VOPP1: variants seen among roughly 807,000 people sequenced by gnomAD.
VOPP1 encodes the protein VOPP1 WW domain binding protein.
Under a neutral mutation model 23.5 loss-of-function variants are expected in VOPP1, and 8 were observed. The ratio of observed to expected loss-of-function variants is 0.34; its 90% CI spans 0.20 to 0.61. The LOEUF is 0.61. Among genes scored for constraint, VOPP1 ranks in the 20% least tolerant of loss-of-function variants. The pLI is 0.78. For synonymous variants in VOPP1, 83 were observed against 97.3 expected, an observed-to-expected ratio of 0.85 and a Z score of 0.86; for missense variants, 174 against 238.1, an observed-to-expected ratio of 0.73 and a Z score of 1.77.
In VOPP1 at chr7:55,462,053, T is replaced by C. The variant is rs376757422; in HGVS notation, n.418-25879A>G. On this transcript the variant is annotated intron_variant and non_coding_transcript_variant, in intron 4 of 4. Transcript: ENST00000462326. ...GGTGATGAATGCCCTCAGTTTTTGCTTGGCTGGGAAAGACTTTATTACTCT... is the reference window on the plus strand; with the variant it reads ...GGTGATGAATGCCCTCAGTTTTTGCCTGGCTGGGAAAGACTTTATTACTCT... 5.1e-4 allele frequency among the ~76,000 whole-genome samples: 78 copies of C among 152,350 alleles called. No individual in the cohort carries two copies. In the South Asian group the frequency reaches 0.015, roughly 30 times the overall value.
Position 55,546,587 on chromosome 7 carries a change from A to G in VOPP1, c.55-25457T>C, listed in dbSNP as rs1331999988. Among the ~76,000 whole-genome samples, 2 of 152,248 alleles carry G rather than the reference A, an allele frequency of 1.3e-5. 1 individual carries two copies. Among genetic ancestry groups the G allele is most frequent in the African/African-American group, 4.8e-5 (2 of 41,460 alleles). ...CAATGTAAGTTATTAAATTAGTGGA[A>G]ACTGGGTTATACAGCAACTCTGTAT... On this transcript the variant is annotated intron_variant, in intron 1 of 4. Transcript: ENST00000285279.
chr7:55,460,709 ATT>A (rs1466031407), intron 4 of VOPP1, among the ~76,000 whole-genome samples: 2 of 152,208 alleles, frequency 1.3e-5, no homozygotes, highest in African/African-American at 4.8e-5. Context: ...GAATTGATCC[ATT>A]TGTCATATAT....
At chr7:55,517,432 G>A (rs12056276) in intron 2 of VOPP1, among the ~76,000 whole-genome samples, 15,842 of 152,032 alleles carry the variant, frequency 0.1, 990 homozygotes, top group East Asian at 0.27. Context: ...ATGAAGTGCA[G>A]CCATCACCAT....
chr7:55,523,377 T>C (rs1015713349), intron 1 of VOPP1, among the ~76,000 whole-genome samples: 3 of 152,048 alleles, frequency 2.0e-5, no homozygotes, highest in Non-Finnish European at 4.4e-5. Context: ...TACATACCAA[T>C]ACATTTTTTT....
chr7:55,435,561 C>G (rs141244647), downstream of VOPP1, among the ~76,000 whole-genome samples: 1,774 of 152,304 alleles, frequency 0.012, 36 homozygotes, highest in African/African-American at 0.039. Flanking sequence ...AGTGGTGGTC[C>G]AGGCAGCACA....
rs986111076 is a variant in VOPP1, at chr7:55,470,716, G to T, written c.*2139C>A. 8 of 152,274 alleles carry T rather than the reference G, an allele frequency of 5.3e-5. No individual in the cohort carries two copies. The highest frequency in any genetic ancestry group is 7.3e-5 in the Non-Finnish European group (5 of 68,054). 9.4% of individuals were successfully genotyped at this position (152,274 alleles called of 1,614,324 possible). The stretch of plus-strand genomic sequence containing the variant: ...TTGTTGCAGAGGAAAAGCATGCACA[G>T]ATCTGCTTCAAGTTTACTCTGAACC... On this transcript the variant is annotated 3_prime_UTR_variant, in exon 5 of 5. Coordinates refer to ENST00000285279, the MANE Select transcript of VOPP1 (RefSeq NM_030796.5).
intron 3 of VOPP1, among the ~76,000 whole-genome samples, chr7:55,494,728 T>C (rs186390798): frequency 1.2e-4 from 19 of 152,332 alleles, no homozygotes; most frequent in African/African-American, 4.1e-4. Flanking sequence ...CCTCCCACCT[T>C]GGCCTCCCAA....
intron 1 of VOPP1, among the ~76,000 whole-genome samples, chr7:55,548,022 G>T (rs1460650983): frequency 6.6e-6 from 1 of 152,180 alleles, no homozygotes; most frequent in Non-Finnish European, 1.5e-5. Flanking sequence ...TACCCCGACA[G>T]CCACCTAAGA....
At chr7:55,520,807 G>A (rs754383511) in intron 2 of VOPP1, among the ~76,000 whole-genome samples, 1 of 152,100 alleles carries the variant, frequency 6.6e-6, no homozygotes, top group African/African-American at 2.4e-5. Context: ...CAGACATCTC[G>A]CCCCCTTTAA....
chr7:55,527,525 C>T (rs1429066376), intron 1 of VOPP1, among the ~76,000 whole-genome samples: 1 of 152,194 alleles, frequency 6.6e-6, no homozygotes, highest in Non-Finnish European at 1.5e-5. Context: ...GAAATTCTGT[C>T]AACTCTCCTA....
At chr7:55,483,581 A>T (rs1035423757) in intron 4 of VOPP1, among the ~76,000 whole-genome samples, 2 of 152,114 alleles carry the variant, frequency 1.3e-5, no homozygotes, top group African/African-American at 4.8e-5. Flanking sequence ...TCCTTTGCTT[A>T]GGTTTATGAT....
chr7:55,556,409 C>T (rs1442611034), intron 1 of VOPP1, among the ~76,000 whole-genome samples: 7 of 152,200 alleles, frequency 4.6e-5, no homozygotes, highest in African/African-American at 1.7e-4. Context: ...CAAATTTCCA[C>T]ATTCTATTTA....
intron 1 of VOPP1, among the ~76,000 whole-genome samples, chr7:55,570,208 C>A (rs1202731320): frequency 6.6e-6 from 1 of 152,146 alleles, no homozygotes; most frequent in Non-Finnish European, 1.5e-5. Flanking sequence ...ATGAAAAAAT[C>A]TCAAATATAA....
At chr7:55,504,705 C>G (rs1794595383) in intron 2 of VOPP1, among the ~76,000 whole-genome samples, 1 of 152,262 alleles carries the variant, frequency 6.6e-6, no homozygotes, top group African/African-American at 2.4e-5. Context: ...ATGACTCACA[C>G]AGCCAGTCTT....
At chr7:55,572,209 GC>G in intron 1 of VOPP1, 61 bp downstream of exon 1, 6 of 1,421,066 alleles carry the variant, frequency 4.2e-6, no homozygotes, top group East Asian at 2.8e-5. Flanking sequence ...GGAACTGCGC[GC>G]CCCCAGCCGC....
chr7:55,531,241 T>C (rs1014672288), intron 1 of VOPP1, among the ~76,000 whole-genome samples: 5 of 152,244 alleles, frequency 3.3e-5, no homozygotes, highest in Admixed American at 1.3e-4. Flanking sequence ...GCTACTGTTA[T>C]CTGCTGGCAA....
intron 1 of VOPP1, among the ~76,000 whole-genome samples, chr7:55,525,788 CTAAA>C (rs1796151637): frequency 2.2e-5 from 1 of 46,026 alleles, no homozygotes; most frequent in African/African-American, 9.7e-5. Context: ...AAAAACCTCT[CTAAA>C]AAAAAAAAAA....
intron 4 of VOPP1, among the ~76,000 whole-genome samples, chr7:55,456,588 C>T (rs1269103571): frequency 6.6e-6 from 1 of 152,094 alleles, no homozygotes; most frequent in Admixed American, 6.5e-5. Context: ...GAAAATGTGG[C>T]ACATATACAC....
At chr7:55,534,707 G>T (rs1391523356) in intron 1 of VOPP1, among the ~76,000 whole-genome samples, 4 of 152,216 alleles carry the variant, frequency 2.6e-5, no homozygotes, top group African/African-American at 9.6e-5. Context: ...CTGAGCTGGG[G>T]ACCTTCTGCC....
Sources: allele counts gnomAD v4.1 joint callset (sites outside exome capture counted in the v4.1 genomes callset), GRCh38; gene constraint gnomAD v4.1.1; transcripts MANE v1.5; gene names NCBI Gene and HGNC (gene_info 2026-07-23, HGNC 2026-07-21).